ELP1: variants seen among roughly 807,000 people sequenced by gnomAD.
The protein encoded by ELP1 is elongator acetyltransferase complex subunit 1, also known as elongator complex protein 1.
In ELP1, 131 loss-of-function variants were observed where a neutral mutation model predicts 183.2. That is an observed-to-expected ratio of 0.72 (90% CI 0.62 to 0.83). ELP1 has a LOEUF of 0.83. Ranked by LOEUF, ELP1 falls within the 40% of genes least tolerant of loss-of-function variation. The probability of loss-of-function intolerance (pLI) is 0.00; values close to 1 mark genes in which losing one functional copy is unlikely to be tolerated. For missense variants in ELP1, 1,550 were observed against 1,594.9 expected (o/e 0.97, Z 0.48); for synonymous variants, 555 against 569.0 (o/e 0.98, Z 0.35).
chr9:108,876,571 C>A (rs1183107618), intron 35 of ELP1, among the ~76,000 whole-genome samples: 3 of 152,102 alleles, frequency 2.0e-5, no homozygotes, highest in Admixed American at 6.5e-5. Context: ...TCCAACCCAC[C>A]CTTCTATCCA....
At position 108,893,092 on chromosome 9, in the gene ELP1, A is replaced by G; in HGVS notation, c.2861-9T>C. 1 of 1,591,314 alleles carries G rather than the reference A, an allele frequency of 6.3e-7. No individual in the cohort carries two copies. On this transcript the variant is annotated splice_polypyrimidine_tract_variant and intron_variant, in intron 26 of 36. Coordinates refer to ENST00000374647, the MANE Select transcript of ELP1 (RefSeq NM_003640.5). The stretch of plus-strand genomic sequence containing the variant: ...TGGGAAGTACTCAGGTCCTGCAGGA[A>G]AAAGATTCACACAAAGACAGGCTTA...
chr9:108,926,746 A>C lies in ELP1; in HGVS notation c.386-143T>G. ...TCATCCAAAATGCTTTGACTTAAAA[A>C]AACAACAATGACAAAAAACCCCAAA... is the stretch of plus-strand genomic sequence containing the variant. On this transcript the variant is annotated intron_variant, in intron 4 of 36. Transcript: ENST00000374647. 5.8e-6 allele frequency: 4 copies of C among 688,010 alleles called. No homozygotes were observed. In the South Asian group the frequency reaches 6.7e-5, roughly 12 times the overall value. The allele number at this position is 688,010 out of a possible 1,614,324, so 42.6% of individuals were successfully genotyped here.
intron 6 of ELP1, among the ~76,000 whole-genome samples, chr9:108,921,233 AC>A (rs1486270484): frequency 6.6e-6 from 1 of 152,038 alleles, no homozygotes; most frequent in Non-Finnish European, 1.5e-5. Context: ...CCCAAAAGAA[AC>A]CCCATATCCA....
At chr9:108,900,770 ACGCC>A (rs1158437271) in intron 18 of ELP1, among the ~76,000 whole-genome samples, 4 of 151,618 alleles carry the variant, frequency 2.6e-5, no homozygotes, top group Non-Finnish European at 4.4e-5. Flanking sequence ...ACACACATAC[ACGCC>A]ACACACACAT....
At chr9:108,923,273 A>G (rs1829719069) in intron 5 of ELP1, among the ~76,000 whole-genome samples, 1 of 152,152 alleles carries the variant, frequency 6.6e-6, no homozygotes, top group Admixed American at 6.5e-5. Context: ...TCAAGAGACT[A>G]AAGTAGGAGG....
At chr9:108,872,804 GAAAAAAAAAAAAAAAAA>G (rs58139943) in intron 36 of ELP1, among the ~76,000 whole-genome samples, 15,299 of 83,534 alleles carry the variant, frequency 0.18, 1,331 homozygotes, top group Middle Eastern at 0.31. Flanking sequence ...GACTCTGTCT[GAAAAAAAAAAAAAAAAA>G]AAAAAAAAAA....
At chr9:108,906,723 G>T (rs1829036611) in intron 13 of ELP1, among the ~76,000 whole-genome samples, 1 of 152,152 alleles carries the variant, frequency 6.6e-6, no homozygotes, top group South Asian at 2.1e-4. Context: ...TAAATTTGAA[G>T]AGAACACTTG....
In ELP1 at chr9:108,900,370, G is replaced by A. The variant is rs2131988821; in HGVS notation, c.2020C>T (p.Gln674Ter). 5 of 1,613,108 alleles carry A rather than the reference G, an allele frequency of 3.1e-6. No individual in the cohort carries two copies. Among genetic ancestry groups the A allele is most frequent in the Non-Finnish European group, 4.2e-6 (5 of 1,179,046 alleles). ...ACATGATTGCTGCTCAGGCCGGCCT[G>A]TAATGCTAAACACACCATTAACTAA... ...CLRDASFKTL[Q>*]AGLSSNHVSH... Residue 674 changes from glutamine (Q) to a stop codon, truncating the protein, a stop_gained, in exon 19 of 37, where the codon CAG becomes TAG. Coordinates refer to ENST00000374647, the MANE Select transcript of ELP1 (RefSeq NM_003640.5). LOFTEE classifies it high-confidence loss of function.
At chr9:108,882,851 C>T (rs1827984787) in intron 29 of ELP1, among the ~76,000 whole-genome samples, 1 of 152,130 alleles carries the variant, frequency 6.6e-6, no homozygotes, top group South Asian at 2.1e-4. Flanking sequence ...TCTCAATCTG[C>T]CAAGCAGCTG....
intron 27 of ELP1, 32 bp from the exon 28 acceptor site, chr9:108,891,436 G>A: frequency 1.1e-5 from 18 of 1,588,196 alleles, no homozygotes; most frequent in Non-Finnish European, 1.5e-5. Flanking sequence ...GACTGAGGAG[G>A]AAATATGACA....
chr9:108,905,868 TACACACACAC>T (rs35044796), intron 14 of ELP1, among the ~76,000 whole-genome samples: 153 of 148,062 alleles, frequency 1.0e-3, no homozygotes, highest in African/African-American at 3.5e-3. Flanking sequence ...AAGGTATGTA[TACACACACAC>T]ACACACACAC....
intron 29 of ELP1, among the ~76,000 whole-genome samples, chr9:108,884,500 TTAAAA>T (rs1258412999): frequency 3.3e-5 from 5 of 151,984 alleles, no homozygotes; most frequent in East Asian, 1.9e-4. Flanking sequence ...ATATTATAAA[TTAAAA>T]TAAATTATAA....
chr9:108,884,191 A>G (rs904349481), intron 29 of ELP1, among the ~76,000 whole-genome samples: 2 of 152,186 alleles, frequency 1.3e-5, no homozygotes, highest in Non-Finnish European at 2.9e-5. Context: ...ACAGAGAAAG[A>G]AGGATATCAA....
chr9:108,893,086 G>A lies in ELP1; in HGVS notation c.2861-3C>T. 6.2e-7 allele frequency: 1 copy of A among 1,602,786 alleles called. No homozygotes were observed. Among genetic ancestry groups the A allele is most frequent in the Non-Finnish European group, 8.5e-7 (1 of 1,169,874 alleles). Reference sequence around the variant, plus strand: ...GCATTCTGGGAAGTACTCAGGTCCTGCAGGAAAAAGATTCACACAAAGACA... The same window carrying A: ...GCATTCTGGGAAGTACTCAGGTCCTACAGGAAAAAGATTCACACAAAGACA... On this transcript the variant is annotated splice_polypyrimidine_tract_variant and splice_region_variant and intron_variant, in intron 26 of 36. Transcript: ENST00000374647.
intron 5 of ELP1, among the ~76,000 whole-genome samples, chr9:108,925,499 C>A (rs1829797487): frequency 6.6e-6 from 1 of 152,046 alleles, no homozygotes; most frequent in Non-Finnish European, 1.5e-5. Context: ...GCTGACTACT[C>A]CAAACCCTTA....
chr9:108,880,816 T>C (rs551437024), intron 31 of ELP1, among the ~76,000 whole-genome samples: 13 of 152,336 alleles, frequency 8.5e-5, no homozygotes, highest in African/African-American at 3.1e-4. Context: ...AGTACCCAGT[T>C]AGAGGTACCT....
Position 108,879,508 on chromosome 9 carries a change from G to C in ELP1, c.3510C>G (p.Ser1170Arg), listed in dbSNP as rs1289493938. 1.9e-6 allele frequency: 3 copies of C among 1,613,986 alleles called. No individual in the cohort carries two copies. The highest frequency in any genetic ancestry group is 2.5e-6 in the Non-Finnish European group (3 of 1,179,990). Residue 1170 changes from serine to arginine, a missense_variant, in exon 33 of 37, where the codon AGC (serine) becomes AGG (arginine). Ser to Arg is a moderately radical substitution (Grantham distance 110). Coordinates refer to ENST00000374647, the MANE Select transcript of ELP1 (RefSeq NM_003640.5). ...TCATCTCACTGCCACTCACGACACT[G>C]CTAGTTTCAGAGAAGAGGTCTGACT... Reference protein sequence around the residue: ...GQESDLFSETSSVVSGSEMSG... With the variant: ...GQESDLFSETRSVVSGSEMSG...
intron 6 of ELP1, among the ~76,000 whole-genome samples, chr9:108,919,643 A>G (rs1829572429): frequency 6.6e-6 from 1 of 152,094 alleles, no homozygotes; most frequent in African/African-American, 2.4e-5. Context: ...GAATATAATG[A>G]GCTAAGGAAC....
At chr9:108,916,336 T>C (rs1161106048) in intron 9 of ELP1, 39 bp from the exon 10 acceptor site, 4 of 1,469,752 alleles carry the variant, frequency 2.7e-6, no homozygotes, top group Admixed American at 1.7e-5. Flanking sequence ...CTTTCAGTTA[T>C]GGATTTACTT....
Sources: gnomAD v4.1 joint callset for allele counts (sites outside exome capture counted in the v4.1 genomes callset) on GRCh38, gnomAD v4.1.1 for gene constraint, MANE v1.5 for transcripts, NCBI Gene and HGNC (gene_info 2026-07-23, HGNC 2026-07-21) for gene names.